The following MCF2L variants were observed in gnomAD, a reference collection of about 807,000 sequenced individuals.
The protein encoded by MCF2L is guanine nucleotide exchange factor DBS.
Under a neutral mutation model 153.4 loss-of-function variants are expected in MCF2L, and 97 were observed. The ratio of observed to expected loss-of-function variants is 0.63; its 90% CI spans 0.54 to 0.75. The LOEUF (loss-of-function observed/expected upper bound fraction) is 0.75. Among genes scored for constraint, MCF2L ranks in the 30% least tolerant of loss-of-function variants. The pLI, the probability that MCF2L is intolerant of heterozygous loss-of-function variation, is 0.00. For missense variants in MCF2L, 1,347 were observed against 1,495.2 expected (o/e 0.90, Z 1.64); for synonymous variants, 659 against 632.2 (o/e 1.04, Z -0.64).
At chr13:112,961,134 C>T (rs1034496466) in intron 2 of MCF2L, among the ~76,000 whole-genome samples, 1 of 95,624 alleles carries the variant, frequency 1.0e-5, no homozygotes, top group Non-Finnish European at 2.7e-5. Context: ...CACCTGTTCT[C>T]CACGTGTGTC....
At chr13:113,096,320 C>T in intron 27 of MCF2L, 51 bp from the exon 28 acceptor site, 1 of 1,401,128 alleles carries the variant, frequency 7.1e-7, no homozygotes, top group East Asian at 2.5e-5. Flanking sequence ...TGTGGGGCTG[C>T]TGCCGGGGCG....
At chr13:112,985,819 G>A (rs935895692) in intron 1 of MCF2L, among the ~76,000 whole-genome samples, 9 of 152,204 alleles carry the variant, frequency 5.9e-5, no homozygotes, top group African/African-American at 1.7e-4. Context: ...CTGATGTCCC[G>A]GGGCCATGGC....
rs2081478519 is a variant in MCF2L, at chr13:112,932,989, C to T, written c.169+30618C>T. Among the ~76,000 whole-genome samples the T allele has an allele frequency of 6.6e-6, 1 of 152,038 alleles. No individual in the cohort carries two copies. Among genetic ancestry groups the T allele is most frequent in the South Asian group, 2.1e-4 (1 of 4,814 alleles). ...GAGATTTTAGTGAGGCAAGATTGTG[C>T]CACTGCCCCCCAACCTGGGTGACAG... On this transcript the variant is annotated intron_variant, in intron 2 of 29. Transcript: ENST00000375608. The surrounding 1 kb of genome is among the most constrained non-coding windows in gnomAD (Gnocchi z 4.6).
intron 2 of MCF2L, among the ~76,000 whole-genome samples, chr13:112,905,801 G>A (rs1187377910): frequency 3.8e-4 from 58 of 152,188 alleles, no homozygotes; most frequent in Admixed American, 3.8e-3. Flanking sequence ...GGACGTTTGG[G>A]TCACAGCCGC....
chr13:113,066,293 A>T, intron 8 of MCF2L, 123 bp downstream of exon 8: 1 of 1,189,302 alleles, frequency 8.4e-7, no homozygotes. Flanking sequence ...AGGCAACCCC[A>T]CTCCTGGCCA....
chr13:113,055,385 CACACACACACACACACACACACACACACA>C lies in MCF2L; in HGVS notation c.370-5207_370-5179del, dbSNP rs1566811546. On this transcript the variant is annotated intron_variant, in intron 4 of 29. Coordinates refer to ENST00000535094, the MANE Select transcript of MCF2L (RefSeq NM_001112732.3). Reference sequence around the variant, plus strand: ...GAGACGTGGACCCCCCCCCCCGCCACACACACACACACACACACACACACACACACACACACACACACACACACACACAC... The same window carrying C: ...GAGACGTGGACCCCCCCCCCCGCCACCACACACACACACACACACACACAC... Among the ~76,000 whole-genome samples the C allele has an allele frequency of 9.0e-3, 80 of 8,928 alleles. 12 individuals carry two copies. The highest frequency in any genetic ancestry group is 0.014 in the South Asian group (2 of 142). The allele number at this position is 8,928 out of a possible 152,430, so 5.9% of individuals were successfully genotyped here. A position where few individuals can be genotyped will look rare whatever the true frequency, so the allele number is the denominator to read the frequency against.
intron 1 of MCF2L, among the ~76,000 whole-genome samples, chr13:112,976,874 G>T (rs977061831): frequency 1.3e-5 from 2 of 152,184 alleles, no homozygotes; most frequent in Middle Eastern, 3.2e-3. Context: ...GAGGGGTTGG[G>T]GTCGCCCAGT....
At position 113,089,713 on chromosome 13, in the gene MCF2L, C is replaced by T; in HGVS notation, c.2938C>T (p.Pro980Ser). Residue 980 changes from proline (P) to serine (S), a missense_variant, in exon 26 of 30, where the codon CCC becomes TCC. Around this residue, in one of 3 missense-constraint regions of MCF2L, gnomAD observed 383 missense variants for 335.4 expected, o/e 1.14. Transcript: ENST00000535094. ...YVSSAPLTKP[P>S]EKGKGWSKTS... Reference sequence around the variant, plus strand: ...CAGCTCAGCGCCACTGACAAAGCCCCCCGAAAAGGGCAAAGGTGGGTATGT... The same window carrying T: ...CAGCTCAGCGCCACTGACAAAGCCCTCCGAAAAGGGCAAAGGTGGGTATGT... 3 of 1,613,776 alleles carry T rather than the reference C, an allele frequency of 1.9e-6. No homozygotes were observed. The highest frequency in any genetic ancestry group is 2.5e-6 in the Non-Finnish European group (3 of 1,179,978).
At chr13:113,081,389 A>C in intron 16 of MCF2L, 110 bp downstream of exon 16, 2 of 1,093,570 alleles carry the variant, frequency 1.8e-6, no homozygotes, top group African/African-American at 1.6e-5. Flanking sequence ...CACCAAATGC[A>C]TGTGAGAGAG....
intron 1 of MCF2L, among the ~76,000 whole-genome samples, chr13:112,994,485 G>C (rs763254168): frequency 1.4e-4 from 21 of 152,258 alleles, no homozygotes; most frequent in Non-Finnish European, 2.8e-4. Context: ...TCTCTGAGCT[G>C]AGTTTGTAAA....
At chr13:112,974,695 C>G (rs767864095) in intron 1 of MCF2L, among the ~76,000 whole-genome samples, 18 of 152,114 alleles carry the variant, frequency 1.2e-4, no homozygotes, top group Non-Finnish European at 2.2e-4. Context: ...GAAGCTGGCT[C>G]GGGAGACCTG....
intron 2 of MCF2L, among the ~76,000 whole-genome samples, chr13:112,950,005 C>CA (rs35902584): frequency 0.26 from 32,275 of 122,522 alleles, 4,058 homozygotes; most frequent in African/African-American, 0.4. Flanking sequence ...AAGGATTCTA[C>CA]AAAAAAAAAA....
intron 2 of MCF2L, among the ~76,000 whole-genome samples, chr13:112,911,011 G>A (rs946510488): frequency 6.6e-6 from 1 of 151,600 alleles, no homozygotes; most frequent in Non-Finnish European, 1.5e-5. Flanking sequence ...GGGGGTGGGG[G>A]CGGGGCGGGG....
At position 113,096,542 on chromosome 13, in the gene MCF2L, C is replaced by T. The variant is rs571895860; in HGVS notation, c.3189-8C>T. ...CACGTGGCTGCCGCTGACCCTCGCC[C>T]CTTGCAGGTACGTCAGGGACCCGAC... On this transcript the variant is annotated splice_region_variant and splice_polypyrimidine_tract_variant and intron_variant, in intron 28 of 29. Transcript: ENST00000535094. 3.7e-6 allele frequency: 6 copies of T among 1,601,600 alleles called. No individual in the cohort carries two copies. In the African/African-American group the frequency reaches 8.0e-5, roughly 21 times the overall value.
At chr13:113,092,426 G>A (rs1475539620) in intron 26 of MCF2L, among the ~76,000 whole-genome samples, 2 of 144,742 alleles carry the variant, frequency 1.4e-5, no homozygotes, top group Admixed American at 6.8e-5. Flanking sequence ...CCAGTGTGGT[G>A]TCGAAGCCGG....
chr13:112,998,991 A>G (rs973497592), intron 1 of MCF2L, among the ~76,000 whole-genome samples: 3 of 152,288 alleles, frequency 2.0e-5, no homozygotes, highest in East Asian at 3.9e-4. Flanking sequence ...GTGAGCAGCC[A>G]TGGCCACAGC....
chr13:113,090,161 G>A, intron 26 of MCF2L: 1 of 1,532,482 alleles, frequency 6.5e-7, no homozygotes, highest in Non-Finnish European at 8.8e-7. Flanking sequence ...GGTCAGAAAG[G>A]TAAAAGTAGT....
intron 18 of MCF2L, chr13:113,084,691 G>T (rs1594985554): frequency 1.7e-6 from 1 of 592,328 alleles, no homozygotes; most frequent in East Asian, 2.8e-5. Flanking sequence ...CCCATTAATG[G>T]AGGGCAGGCC....
At chr13:113,037,186 C>T (rs1204107659) in intron 3 of MCF2L, among the ~76,000 whole-genome samples, 2 of 152,188 alleles carry the variant, frequency 1.3e-5, no homozygotes, top group Non-Finnish European at 2.9e-5. Flanking sequence ...GCTGGCTGAA[C>T]CCTTGGCTTG....
Sources: gnomAD v4.1 joint callset for allele counts (sites outside exome capture counted in the v4.1 genomes callset) on GRCh38, gnomAD v4.1.1 for gene constraint, gnomAD v4.1.1 regional missense constraint, Gnocchi (gnomAD v3.1) non-coding constraint, MANE v1.5 for transcripts, NCBI Gene and HGNC (gene_info 2026-07-23, HGNC 2026-07-21) for gene names.